CSGALNACT1: variants seen among roughly 807,000 people sequenced by gnomAD.
CSGALNACT1 encodes chondroitin sulfate N-acetylgalactosaminyltransferase 1.
In CSGALNACT1, 52 loss-of-function variants were observed where a neutral mutation model predicts 51.0. The ratio of observed to expected loss-of-function variants is 1.02; its 90% CI spans 0.82 to 1.29. The LOEUF (loss-of-function observed/expected upper bound fraction) is 1.29. Among genes scored for constraint, CSGALNACT1 ranks in the 50% most tolerant of loss-of-function variants. CSGALNACT1 has a pLI of 0.00. For missense variants in CSGALNACT1, 935 were observed against 679.2 expected (o/e 1.38, Z -4.19); for synonymous variants, 341 against 254.4 (o/e 1.34, Z -3.24).
At position 19,555,111 on chromosome 8, in the gene CSGALNACT1, C is replaced by T. The variant is rs563641487; in HGVS notation, c.-297+36049G>A. ...AAAATTAGCCGGGCGTGGTGCTGAG[C>T]GCCTGTAGTTCCCACTAGTCAGGAG... On this transcript the variant is annotated intron_variant, in intron 3 of 9. Coordinates refer to ENST00000454498, the Ensembl canonical transcript of CSGALNACT1. Among the ~76,000 whole-genome samples the T allele has an allele frequency of 2.3e-4, 35 of 151,756 alleles. 1 individual carries two copies. The South Asian group carries it at 2.7e-3, about 12-fold the overall frequency.
chr8:19,435,535 T>G (rs1001757794), intron 6 of CSGALNACT1, among the ~76,000 whole-genome samples: 1 of 151,260 alleles, frequency 6.6e-6, no homozygotes, highest in African/African-American at 2.4e-5. Flanking sequence ...CAAGCGAGTA[T>G]CTAAAGCAGC....
intron 3 of CSGALNACT1, among the ~76,000 whole-genome samples, chr8:19,558,554 C>A (rs184378324): frequency 6.6e-6 from 1 of 152,018 alleles, no homozygotes; most frequent in South Asian, 2.1e-4. Context: ...TAACATAAAT[C>A]GAAATTATAT....
intron 3 of CSGALNACT1, among the ~76,000 whole-genome samples, chr8:19,550,599 C>G (rs2087766068): frequency 6.6e-6 from 1 of 152,122 alleles, no homozygotes; most frequent in Non-Finnish European, 1.5e-5. Context: ...ATTCCTTCAT[C>G]TTGGTGACGA....
chr8:19,541,287 G>C (rs1332532581), intron 3 of CSGALNACT1, among the ~76,000 whole-genome samples: 1 of 131,288 alleles, frequency 7.6e-6, no homozygotes, highest in African/African-American at 3.0e-5. Flanking sequence ...GTCTTGCTTA[G>C]TCACCTAGGC....
chr8:19,704,731 G>T (rs1026262079), intron 1 of CSGALNACT1, among the ~76,000 whole-genome samples: 1 of 152,052 alleles, frequency 6.6e-6, no homozygotes, highest in Non-Finnish European at 1.5e-5. Context: ...GAGAAAATGT[G>T]ATATATACAT....
chr8:19,620,782 G>T (rs780672385), intron 1 of CSGALNACT1, among the ~76,000 whole-genome samples: 1 of 152,070 alleles, frequency 6.6e-6, no homozygotes, highest in Non-Finnish European at 1.5e-5. Context: ...GATATCCTCA[G>T]TTAAGGGTAG....
chr8:19,451,462 AAAT>A (rs748101513), intron 5 of CSGALNACT1, among the ~76,000 whole-genome samples: 6 of 152,350 alleles, frequency 3.9e-5, no homozygotes, highest in African/African-American at 7.2e-5. Context: ...TAATGAGAAG[AAAT>A]AATAATGACA....
At chr8:19,680,186 T>C (rs527831265) in intron 1 of CSGALNACT1, among the ~76,000 whole-genome samples, 1 of 152,288 alleles carries the variant, frequency 6.6e-6, no homozygotes, top group East Asian at 1.9e-4. Flanking sequence ...TGGGCTCCTC[T>C]GCATCCATGG....
At chr8:19,406,871 G>A (rs911067287) in intron 9 of CSGALNACT1, among the ~76,000 whole-genome samples, 1 of 152,080 alleles carries the variant, frequency 6.6e-6, no homozygotes, top group Non-Finnish European at 1.5e-5. Flanking sequence ...ACCATGCCTG[G>A]GTAACTTTTG....
intron 3 of CSGALNACT1, among the ~76,000 whole-genome samples, chr8:19,538,646 G>C (rs2084343649): frequency 6.6e-6 from 1 of 152,138 alleles, no homozygotes; most frequent in African/African-American, 2.4e-5. Context: ...TGAACTGAGG[G>C]AGACCGGGGG....
exon 4 of CSGALNACT1, chr8:19,505,553 C>G: frequency 6.2e-7 from 1 of 1,613,956 alleles, no homozygotes; most frequent in Non-Finnish European, 8.5e-7. Flanking sequence ...ACTGCCCATT[C>G]CTGAGCTGCT....
intron 1 of CSGALNACT1, among the ~76,000 whole-genome samples, chr8:19,661,731 A>G (rs2058755512): frequency 6.6e-6 from 1 of 152,144 alleles, no homozygotes; most frequent in Admixed American, 6.5e-5. Context: ...ATTCCTTTCC[A>G]TGAATCCAGA....
intron 1 of CSGALNACT1, among the ~76,000 whole-genome samples, chr8:19,694,247 G>A (rs1215222503): frequency 6.6e-6 from 1 of 152,124 alleles, no homozygotes. Context: ...ACTAAAGAGA[G>A]AACACAGTGT....
chr8:19,507,528 G>GAA (rs35759799), intron 3 of CSGALNACT1, among the ~76,000 whole-genome samples: 1,396 of 74,832 alleles, frequency 0.019, 75 homozygotes, highest in African/African-American at 0.041. Context: ...ATCTTAGCCA[G>GAA]AAAAAAAAAA....
intron 3 of CSGALNACT1, among the ~76,000 whole-genome samples, chr8:19,541,042 T>C (rs998937898): frequency 2.6e-5 from 4 of 152,128 alleles, no homozygotes; most frequent in Non-Finnish European, 5.9e-5. Flanking sequence ...ATTATGCTCA[T>C]GATGCATGTG....
chr8:19,462,345 A>AT (rs72575580), intron 4 of CSGALNACT1, among the ~76,000 whole-genome samples: 72,120 of 151,694 alleles, frequency 0.48, 18,576 homozygotes, highest in East Asian at 0.84. Flanking sequence ...CAGAGGAATG[A>AT]TTTTTTTTTC....
At chr8:19,697,927 C>A (rs1398394610) in intron 1 of CSGALNACT1, among the ~76,000 whole-genome samples, 1 of 151,942 alleles carries the variant, frequency 6.6e-6, no homozygotes, top group Non-Finnish European at 1.5e-5. Flanking sequence ...AGATGGTGTC[C>A]CAGGAAGCAA....
At chr8:19,479,071 T>C (rs541958024) in intron 4 of CSGALNACT1, among the ~76,000 whole-genome samples, 270 of 152,352 alleles carry the variant, frequency 1.8e-3, no homozygotes, top group African/African-American at 6.3e-3. Flanking sequence ...ATGGTCTTAT[T>C]AATGACTGCT....
rs562232709 is a variant in CSGALNACT1 at position 19,505,924 on chromosome 8, C to T, written c.-90G>A. 1,653 of 1,550,402 alleles carry T rather than the reference C, an allele frequency of 1.1e-3. No homozygotes were observed. The highest frequency in any genetic ancestry group is 1.4e-3 in the Non-Finnish European group (1,583 of 1,138,518). The stretch of plus-strand genomic sequence containing the variant: ...CTTCCCTGGGCTAGACCACAGGAAG[C>T]ATGCGTTTGGGGCCCCCGGAGCTGC... On this transcript the variant is annotated 5_prime_UTR_variant, in exon 4 of 10. The change abolishes an upstream ATG in the 5' untranslated region. Coordinates refer to ENST00000454498, the Ensembl canonical transcript of CSGALNACT1.
Sources: gnomAD v4.1 joint callset for allele counts (sites outside exome capture counted in the v4.1 genomes callset) on GRCh38, gnomAD v4.1.1 for gene constraint, MANE v1.5 for transcripts, NCBI Gene and HGNC (gene_info 2026-07-23, HGNC 2026-07-21) for gene names.